The following DOCK11 variants were observed in gnomAD, a reference collection of about 807,000 sequenced individuals.
DOCK11 encodes the protein dedicator of cytokinesis 11, also known as dedicator of cytokinesis protein 11.
In DOCK11, 70 loss-of-function variants were observed where a neutral mutation model predicts 169.1. That is an observed-to-expected ratio of 0.41 (90% confidence interval 0.34 to 0.51). DOCK11 has a LOEUF of 0.51. Ranked by LOEUF, DOCK11 falls within the 20% of genes least tolerant of loss-of-function variation. The probability of loss-of-function intolerance (pLI) is 0.10; values close to 1 mark genes in which losing one functional copy is unlikely to be tolerated. For synonymous variants in DOCK11, 529 were observed against 541.3 expected, an observed-to-expected ratio of 0.98 and a Z score of 0.32; for missense variants, 1,166 against 1,538.8, an observed-to-expected ratio of 0.76 and a Z score of 4.05.
chrX:118,521,131 T>G (rs1319405325), intron 1 of DOCK11, among the ~76,000 whole-genome samples: 2 of 112,041 alleles, frequency 1.8e-5, no homozygotes, highest in African/African-American at 6.5e-5. Flanking sequence ...GGAAGAAACA[T>G]CTAGTTGGAA....
chrX:118,588,844 A>C (rs1446730348), intron 18 of DOCK11, among the ~76,000 whole-genome samples: 1 of 112,273 alleles, frequency 8.9e-6, no homozygotes, highest in African/African-American at 3.2e-5. Flanking sequence ...GAGCTGACAG[A>C]AGCACAGCAT....
chrX:118,585,280 T>C (rs2013783869), intron 16 of DOCK11, among the ~76,000 whole-genome samples, 163 bp downstream of exon 16: 1 of 110,109 alleles, frequency 9.1e-6, no homozygotes, highest in South Asian at 3.8e-4. Context: ...AAACATTTAT[T>C]CTCTCACAGT....
chrX:118,593,369 A>G (rs770626483), intron 20 of DOCK11, 32 bp downstream of exon 20: 2 of 1,169,356 alleles, frequency 1.7e-6, no homozygotes, highest in South Asian at 2.0e-5. Flanking sequence ...CTCTCTCTAC[A>G]GTTATTTGAA....
At chrX:118,589,172 C>A (rs1236281477) in intron 18 of DOCK11, among the ~76,000 whole-genome samples, 2 of 111,192 alleles carry the variant, frequency 1.8e-5, no homozygotes, top group Admixed American at 9.6e-5. Context: ...GGCTGGAATG[C>A]CCCTGACTAA....
intron 1 of DOCK11, among the ~76,000 whole-genome samples, chrX:118,542,400 G>T (rs1390779172): frequency 9.1e-6 from 1 of 109,915 alleles, no homozygotes; most frequent in Non-Finnish European, 1.9e-5. Context: ...CTAATTCCTG[G>T]GCTCAAGTCA....
intron 1 of DOCK11, among the ~76,000 whole-genome samples, chrX:118,531,016 T>C (rs1377608082): frequency 1.8e-5 from 2 of 112,008 alleles, no homozygotes; most frequent in African/African-American, 3.2e-5. Context: ...AATATATGGC[T>C]ATGGTGTAGG....
Position 118,553,907 on chromosome X carries a change from CTCAT to C in DOCK11, c.559-7471_559-7468del, listed in dbSNP as rs1159664940. Among the ~76,000 whole-genome samples, 247 of 111,733 alleles carry C rather than the reference CTCAT, an allele frequency of 2.2e-3. 1 individual carries two copies. Among genetic ancestry groups the C allele is most frequent in the African/African-American group, 6.6e-3 (204 of 30,731 alleles). On this transcript the variant is annotated intron_variant, in intron 6 of 52. Coordinates refer to ENST00000276202, the MANE Select transcript of DOCK11 (RefSeq NM_144658.4). ...ATTTGTTTTTTATGTTTTGTTTTCTCTCATTCATATTACTTCTCAAAAACTATTT... is the reference window on the plus strand; with the variant it reads ...ATTTGTTTTTTATGTTTTGTTTTCTCTCATATTACTTCTCAAAAACTATTT...
chrX:118,637,219 CA>C (rs909780582), intron 36 of DOCK11, among the ~76,000 whole-genome samples: 3 of 109,818 alleles, frequency 2.7e-5, no homozygotes, highest in African/African-American at 1.0e-4. Context: ...TTTAGAAACA[CA>C]GGGGTAGGGA....
chrX:118,541,288 G>A (rs1163705819), intron 1 of DOCK11, among the ~76,000 whole-genome samples: 1 of 111,771 alleles, frequency 8.9e-6, no homozygotes, highest in East Asian at 2.8e-4. Flanking sequence ...AGGGGTCAAG[G>A]GCTGGTGGTG....
intron 1 of DOCK11, among the ~76,000 whole-genome samples, chrX:118,516,093 C>CTTTTTTTTTTTTTTTTT (rs773184047): frequency 4.0e-4 from 22 of 54,994 alleles, no homozygotes; most frequent in African/African-American, 6.6e-4. Context: ...TTTTCTTTTT[C>CTTTTTTTTTTTTTTTTT]TTTTTTTTTT....
At chrX:118,576,729 C>T (rs2013462118) in intron 12 of DOCK11, among the ~76,000 whole-genome samples, 1 of 112,521 alleles carries the variant, frequency 8.9e-6, no homozygotes, top group Non-Finnish European at 1.9e-5. Flanking sequence ...CAATTATCAA[C>T]TATCTTAAAA....
intron 1 of DOCK11, among the ~76,000 whole-genome samples, chrX:118,511,797 C>A (rs767826402): frequency 8.9e-6 from 1 of 112,008 alleles, no homozygotes; most frequent in Admixed American, 9.5e-5. Context: ...TGGAAGATGG[C>A]TCCCCTGGCT....
In DOCK11 at chrX:118,593,347, C is replaced by G; in HGVS notation, c.2263+10C>G. On this transcript the variant is annotated intron_variant, in intron 20 of 52. Transcript: ENST00000276202. ...ACAGTTGAAACTCCAGGTACGTGTT[C>G]TCTTTAAATGTCTCTCTCTACAGTT... The G allele has an allele frequency of 1.7e-6, 2 of 1,194,507 alleles. No individual in the cohort carries two copies. The highest frequency in any genetic ancestry group is 2.3e-6 in the Non-Finnish European group (2 of 888,454).
intron 35 of DOCK11, chrX:118,632,496 A>T (rs997343655): frequency 1.3e-4 from 14 of 111,748 alleles, no homozygotes; most frequent in African/African-American, 4.6e-4. Context: ...AGTCATATTC[A>T]TTTTGTTCTA....
intron 52 of DOCK11, among the ~76,000 whole-genome samples, chrX:118,683,620 AAGTG>A (rs1224771508): frequency 4.4e-5 from 5 of 112,509 alleles, no homozygotes; most frequent in South Asian, 7.3e-4. Context: ...ATGCTATTTT[AAGTG>A]AGTATCTACT....
chrX:118,585,714 TCC>T (rs2147414772), intron 16 of DOCK11, among the ~76,000 whole-genome samples: 1 of 109,477 alleles, frequency 9.1e-6, no homozygotes, highest in Admixed American at 9.9e-5. Flanking sequence ...TGTGAGTGTG[TCC>T]CAGTCAGGTT....
rs1285894292 is a variant in DOCK11, at chrX:118,615,619, T to A, written c.3200T>A (p.Phe1067Tyr). The A allele has an allele frequency of 1.7e-6, 2 of 1,206,571 alleles. No homozygotes were observed. The highest frequency in any genetic ancestry group is 2.2e-6 in the Non-Finnish European group (2 of 893,197). Residue 1067 changes from phenylalanine to tyrosine, a missense_variant, in exon 30 of 53, where the codon TTT becomes TAT. Coordinates refer to ENST00000276202, the MANE Select transcript of DOCK11 (RefSeq NM_144658.4). ...KDPKVLAEYK[F>Y]EFLQTICNHE... The stretch of plus-strand genomic sequence containing the variant: ...ATTTAGGTTCTGGCTGAATACAAGT[T>A]TGAATTTCTGCAAACAATTTGCAAT...
intron 24 of DOCK11, among the ~76,000 whole-genome samples, chrX:118,606,005 G>A (rs1293892450): frequency 9.1e-6 from 1 of 109,355 alleles, no homozygotes; most frequent in Non-Finnish European, 1.9e-5. Context: ...CTGCACTTGT[G>A]TTGTTCAATA....
intron 20 of DOCK11, among the ~76,000 whole-genome samples, chrX:118,596,640 C>T (rs779577075): frequency 8.9e-6 from 1 of 112,223 alleles, no homozygotes; most frequent in Non-Finnish European, 1.9e-5. Context: ...GAAATACTGA[C>T]ACCACTCAAC....
Sources: gnomAD v4.1 joint callset for allele counts (sites outside exome capture counted in the v4.1 genomes callset) on GRCh38, gnomAD v4.1.1 for gene constraint, MANE v1.5 for transcripts, NCBI Gene and HGNC (gene_info 2026-07-23, HGNC 2026-07-21) for gene names.